KLF12: variants seen among roughly 807,000 people sequenced by gnomAD.
KLF12 encodes Krueppel-like factor 12.
A neutral mutation model predicts 37.8 loss-of-function variants in KLF12; 9 were observed. That is an observed-to-expected ratio of 0.24 (90% CI 0.14 to 0.42). The LOEUF (loss-of-function observed/expected upper bound fraction) is 0.42, where lower values mean the gene tolerates loss of function less well. KLF12 is among the 10% of genes least tolerant of loss of function. The pLI, the probability that KLF12 is intolerant of heterozygous loss-of-function variation, is 1.00. For synonymous variants in KLF12, 208 were observed against 202.1 expected (o/e 1.03, Z -0.25); for missense variants, 411 against 516.0 (o/e 0.80, Z 1.97).
intron 3 of KLF12, among the ~76,000 whole-genome samples, chr13:73,928,046 C>CG (rs1446123975): frequency 6.6e-6 from 1 of 152,024 alleles, no homozygotes; most frequent in African/African-American, 2.4e-5. Context: ...TTAGTAGAGA[C>CG]GGGGTTCCCC....
chr13:74,165,514 G>C, the KLF12 span, among the ~76,000 whole-genome samples: 1 of 151,850 alleles, frequency 6.6e-6, no homozygotes, highest in Non-Finnish European at 1.5e-5. Flanking sequence ...GGCCAGGCTG[G>C]TCTTAAACTC....
In KLF12 at chr13:73,805,604, A is replaced by AGAAGGGAGGGAGGGAGGGAGGGAGGGAG. The variant is rs1555307947; in HGVS notation, c.806+7547_806+7548insCTCCCTCCCTCCCTCCCTCCCTCCCTTC. On this transcript the variant is annotated intron_variant, in intron 5 of 7. Coordinates refer to ENST00000377669, the MANE Select transcript of KLF12 (RefSeq NM_007249.5). ...TAACCTGGGCAACAGAGGCACTGTC[A>AGAAGGGAGGGAGGGAGGGAGGGAGGGAG]GAAGGAAGGGAGGGAGGGAGGGAGG... Among the ~76,000 whole-genome samples, 24 of 89,706 alleles carry AGAAGGGAGGGAGGGAGGGAGGGAGGGAG rather than the reference A, an allele frequency of 2.7e-4. 1 individual carries two copies. Among genetic ancestry groups the AGAAGGGAGGGAGGGAGGGAGGGAGGGAG allele is most frequent in the Non-Finnish European group, 3.7e-4 (17 of 45,442 alleles). 58.9% of individuals were successfully genotyped at this position (89,706 alleles called of 152,430 possible).
intron 1 of KLF12, among the ~76,000 whole-genome samples, chr13:74,054,670 G>A (rs1873137747): frequency 6.6e-6 from 1 of 152,274 alleles, no homozygotes; most frequent in Admixed American, 6.5e-5. Flanking sequence ...CTTTGTTAAT[G>A]CAATTTTTTG....
At chr13:73,770,934 A>G (rs1462607960) in intron 5 of KLF12, among the ~76,000 whole-genome samples, 2 of 152,180 alleles carry the variant, frequency 1.3e-5, no homozygotes, top group Non-Finnish European at 2.9e-5. Context: ...AGGAAACATT[A>G]ATTTCTGATA....
the KLF12 span, among the ~76,000 whole-genome samples, chr13:74,207,003 A>G: frequency 6.6e-6 from 1 of 152,176 alleles, no homozygotes; most frequent in Non-Finnish European, 1.5e-5. Context: ...ACAGAAATTT[A>G]TTGGCTCACA....
chr13:73,881,449 TTATAAA>T (rs1395224001), intron 3 of KLF12, among the ~76,000 whole-genome samples: 4 of 152,178 alleles, frequency 2.6e-5, no homozygotes, highest in African/African-American at 9.6e-5. Context: ...ATCTGCTAAC[TTATAAA>T]TATTAAGAAA....
At chr13:73,922,017 T>TA (rs1255888586) in intron 3 of KLF12, among the ~76,000 whole-genome samples, 1 of 152,032 alleles carries the variant, frequency 6.6e-6, no homozygotes, top group Non-Finnish European at 1.5e-5. Flanking sequence ...ATCTTTTAAT[T>TA]AAAAAAAGTC....
At chr13:74,193,975 T>C in the KLF12 span, among the ~76,000 whole-genome samples, 11 of 152,234 alleles carry the variant, frequency 7.2e-5, no homozygotes, top group African/African-American at 2.4e-4. Flanking sequence ...TGGTGATCTT[T>C]TGTTTTGCTG....
At chr13:74,089,460 C>T (rs1197895000) in intron 1 of KLF12, among the ~76,000 whole-genome samples, 2 of 151,916 alleles carry the variant, frequency 1.3e-5, no homozygotes, top group African/African-American at 4.8e-5. Context: ...CACAGATAAC[C>T]TAATTATCTA....
the KLF12 span, among the ~76,000 whole-genome samples, chr13:74,187,164 C>T: frequency 1.3e-5 from 2 of 151,978 alleles, no homozygotes; most frequent in Admixed American, 1.3e-4. Flanking sequence ...CCCATCTCCA[C>T]AAAAAATACC....
At chr13:74,071,789 T>A (rs1008172795) in intron 1 of KLF12, among the ~76,000 whole-genome samples, 8 of 152,218 alleles carry the variant, frequency 5.3e-5, no homozygotes, top group Non-Finnish European at 1.2e-4. Context: ...TGAACTACGT[T>A]AAAGAGGCAA....
At chr13:73,914,421 A>G (rs1042541079) in intron 3 of KLF12, among the ~76,000 whole-genome samples, 1 of 152,162 alleles carries the variant, frequency 6.6e-6, no homozygotes, top group Non-Finnish European at 1.5e-5. Flanking sequence ...ACTAACTCCT[A>G]CCTTGACTGT....
At chr13:74,084,547 T>C (rs1875138756) in intron 1 of KLF12, among the ~76,000 whole-genome samples, 1 of 152,184 alleles carries the variant, frequency 6.6e-6, no homozygotes, top group Non-Finnish European at 1.5e-5. Context: ...ATCACTAGAA[T>C]GTATTGAGTA....
At chr13:74,049,390 G>T (rs1271484790) in intron 1 of KLF12, among the ~76,000 whole-genome samples, 2 of 152,070 alleles carry the variant, frequency 1.3e-5, no homozygotes, top group Non-Finnish European at 2.9e-5. Flanking sequence ...TGCCATCAAG[G>T]GTGCAACACA....
intron 1 of KLF12, among the ~76,000 whole-genome samples, chr13:74,125,371 C>T (rs1177881543): frequency 6.6e-6 from 1 of 152,086 alleles, no homozygotes; most frequent in East Asian, 1.9e-4. Context: ...AATTACCTTA[C>T]ATTATAATGT....
At chr13:73,737,857 C>G (rs185822646) in intron 6 of KLF12, among the ~76,000 whole-genome samples, 1 of 151,906 alleles carries the variant, frequency 6.6e-6, no homozygotes, top group African/African-American at 2.4e-5. Context: ...TCTCTCAGAG[C>G]CTTTCTGAAG....
intron 1 of KLF12, among the ~76,000 whole-genome samples, chr13:74,114,686 A>G (rs1342023637): frequency 6.6e-6 from 1 of 152,176 alleles, no homozygotes; most frequent in African/African-American, 2.4e-5. Flanking sequence ...CAAGTTGTCA[A>G]CGTGGGTTCC....
intron 3 of KLF12, among the ~76,000 whole-genome samples, chr13:73,908,760 G>A (rs1400588001): frequency 1.3e-5 from 2 of 152,048 alleles, no homozygotes; most frequent in Admixed American, 1.3e-4. Context: ...GATTACAGGC[G>A]TGAGCTACCG....
intron 2 of KLF12, among the ~76,000 whole-genome samples, chr13:73,957,839 G>T (rs112321214): frequency 6.6e-6 from 1 of 152,138 alleles, no homozygotes; most frequent in Non-Finnish European, 1.5e-5. Flanking sequence ...CTAAAGAAAC[G>T]AGGGAAGGGT....
Sources: allele counts gnomAD v4.1 joint callset (sites outside exome capture counted in the v4.1 genomes callset), GRCh38; gene constraint gnomAD v4.1.1; transcripts MANE v1.5; gene names NCBI Gene and HGNC (gene_info 2026-07-23, HGNC 2026-07-21).